SNX29: variants seen among roughly 807,000 people sequenced by gnomAD.
SNX29 encodes sorting nexin-29.
A neutral mutation model predicts 102.1 loss-of-function variants in SNX29; 78 were observed. The observed-to-expected ratio is 0.76, with a 90% CI of 0.64 to 0.92. SNX29 has a LOEUF of 0.92. Ranked by LOEUF, SNX29 falls within the 40% of genes least tolerant of loss-of-function variation. The probability of loss-of-function intolerance (pLI) is 0.00; values close to 1 mark genes in which losing one functional copy is unlikely to be tolerated. For missense variants in SNX29, 1,280 were observed against 1,061.7 expected, an observed-to-expected ratio of 1.21 and a Z score of -2.86; for synonymous variants, 580 against 414.5, an observed-to-expected ratio of 1.40 and a Z score of -4.85.
intron 16 of SNX29, among the ~76,000 whole-genome samples, chr16:12,376,867 C>G (rs531947398): frequency 6.6e-6 from 1 of 152,074 alleles, no homozygotes; most frequent in Non-Finnish European, 1.5e-5. Flanking sequence ...CCGTTCTATC[C>G]TACATTGTAT....
intron 15 of SNX29, among the ~76,000 whole-genome samples, chr16:12,335,838 A>C (rs370015307): frequency 1.3e-5 from 2 of 152,178 alleles, no homozygotes; most frequent in African/African-American, 4.8e-5. Context: ...CTTCCCGTTT[A>C]CTAATGAGGA....
chr16:12,516,220 C>T (rs1159140864), intron 19 of SNX29, among the ~76,000 whole-genome samples: 1 of 152,152 alleles, frequency 6.6e-6, no homozygotes. Context: ...TGGCTCACAC[C>T]TGTGATCTCA....
intron 14 of SNX29, among the ~76,000 whole-genome samples, chr16:12,235,969 C>T (rs1256876104): frequency 5.3e-5 from 8 of 152,122 alleles, no homozygotes; most frequent in Non-Finnish European, 1.5e-5. Context: ...TTTTCTGTTT[C>T]TGTAGGACTT....
At chr16:12,061,364 C>A in intron 8 of SNX29, 164 bp from the exon 9 acceptor site, 1 of 611,950 alleles carries the variant, frequency 1.6e-6, no homozygotes, top group Non-Finnish European at 2.9e-6. Context: ...TGCAAGAGGT[C>A]TGGATCTGGA....
intron 1 of SNX29, among the ~76,000 whole-genome samples, chr16:11,984,635 T>TCTCTCTCC (rs992122094): frequency 2.6e-5 from 4 of 151,948 alleles, no homozygotes; most frequent in East Asian, 1.9e-4. Flanking sequence ...TCTCTCCCTC[T>TCTCTCTCC]CTCTCTCCCT....
chr16:12,441,271 G>A (rs1307585674), intron 18 of SNX29, among the ~76,000 whole-genome samples: 9 of 151,392 alleles, frequency 5.9e-5, no homozygotes, highest in Non-Finnish European at 1.2e-4. Flanking sequence ...TTTATTTTTG[G>A]TAGAGACGGG....
At chr16:12,559,580 C>A (rs1423670543) in intron 20 of SNX29, among the ~76,000 whole-genome samples, 1 of 151,836 alleles carries the variant, frequency 6.6e-6, no homozygotes, top group African/African-American at 2.4e-5. Flanking sequence ...ATAACTCATC[C>A]CTGGTGCCAA....
Position 12,332,112 on chromosome 16 carries a change from TTGCTGTTACTGA to T in SNX29, c.1783-24042_1783-24031del, listed in dbSNP as rs1444433633. The stretch of plus-strand genomic sequence containing the variant: ...TTTACAATGTGAGCATTACTTACTT[TTGCTGTTACTGA>T]TGCTGTTATTAACATTATTACTATT... On this transcript the variant is annotated intron_variant, in intron 15 of 20. Transcript: ENST00000566228. Among the ~76,000 whole-genome samples, 4 of 152,136 alleles carry T rather than the reference TTGCTGTTACTGA, an allele frequency of 2.6e-5. No individual in the cohort carries two copies. The East Asian group carries it at 7.7e-4, about 29-fold the overall frequency.
chr16:12,538,890 C>T (rs373499844), intron 20 of SNX29, among the ~76,000 whole-genome samples: 2 of 144,658 alleles, frequency 1.4e-5, no homozygotes, highest in South Asian at 2.1e-4. Flanking sequence ...TACACTTGCA[C>T]AGATTAATGA....
intron 14 of SNX29, among the ~76,000 whole-genome samples, chr16:12,209,523 G>C (rs906243352): frequency 6.6e-6 from 1 of 152,158 alleles, no homozygotes; most frequent in African/African-American, 2.4e-5. Flanking sequence ...ACCACCTGCT[G>C]TCCTCTCACT....
intron 13 of SNX29, among the ~76,000 whole-genome samples, chr16:12,136,476 A>G (rs923758554): frequency 1.3e-5 from 2 of 152,188 alleles, no homozygotes; most frequent in African/African-American, 4.8e-5. Context: ...TTGGGTCACC[A>G]GGGGATTTTT....
intron 13 of SNX29, among the ~76,000 whole-genome samples, chr16:12,137,108 C>T (rs2054691438): frequency 6.6e-6 from 1 of 152,180 alleles, no homozygotes; most frequent in South Asian, 2.1e-4. Context: ...ACAGTCTTAC[C>T]AGGTCCCCAA....
chr16:12,269,570 T>G (rs572993959), intron 14 of SNX29, among the ~76,000 whole-genome samples: 8 of 152,318 alleles, frequency 5.3e-5, no homozygotes, highest in Admixed American at 5.2e-4. Flanking sequence ...TAAAAGCTTC[T>G]GTCTTCTTGG....
intron 3 of SNX29, among the ~76,000 whole-genome samples, chr16:12,009,504 C>T (rs990917530): frequency 6.6e-6 from 1 of 150,658 alleles, no homozygotes; most frequent in Non-Finnish European, 1.5e-5. Context: ...TATATTTGAT[C>T]TTGTGAGAGA....
chr16:12,537,195 C>G (rs981683802), intron 20 of SNX29, among the ~76,000 whole-genome samples: 1 of 152,176 alleles, frequency 6.6e-6, no homozygotes, highest in African/African-American at 2.4e-5. Context: ...TGGCCAGCCC[C>G]TAAATTGCTG....
chr16:12,561,856 C>T (rs959152726), intron 20 of SNX29, among the ~76,000 whole-genome samples: 1 of 152,162 alleles, frequency 6.6e-6, no homozygotes, highest in Admixed American at 6.5e-5. Flanking sequence ...AGGCAGTGCC[C>T]TGGGGACTTA....
At position 12,345,213 on chromosome 16, in the gene SNX29, G is replaced by A. The variant is rs560990230; in HGVS notation, c.1783-10950G>A. Among the ~76,000 whole-genome samples the A allele has an allele frequency of 6.6e-5, 10 of 152,332 alleles. No individual in the cohort carries two copies. The South Asian group carries it at 1.7e-3, about 25-fold the overall frequency. On this transcript the variant is annotated intron_variant, in intron 15 of 20. Transcript: ENST00000566228. ...CCAGGAGACATTACCATCTGCAGAAGTGCATGCTACACCTTCTTCTGGGGG... is the reference window on the plus strand; with the variant it reads ...CCAGGAGACATTACCATCTGCAGAAATGCATGCTACACCTTCTTCTGGGGG...
intron 19 of SNX29, among the ~76,000 whole-genome samples, chr16:12,515,216 G>A (rs749282225): frequency 6.6e-6 from 1 of 152,150 alleles, no homozygotes; most frequent in Non-Finnish European, 1.5e-5. Flanking sequence ...TCAGGCGTGT[G>A]TTGTGGCTTT....
At chr16:12,171,029 C>CAGCTTGGAGGAG (rs909906485) in intron 13 of SNX29, among the ~76,000 whole-genome samples, 2 of 152,104 alleles carry the variant, frequency 1.3e-5, no homozygotes, top group Admixed American at 1.3e-4. Context: ...GATCACATAG[C>CAGCTTGGAGGAG]AGCTTGGAGG....
Sources: gnomAD v4.1 joint callset for allele counts (sites outside exome capture counted in the v4.1 genomes callset) on GRCh38, gnomAD v4.1.1 for gene constraint, MANE v1.5 for transcripts, NCBI Gene and HGNC (gene_info 2026-07-23, HGNC 2026-07-21) for gene names.